Variants in PLEKHG1 observed in about 807,000 individuals in gnomAD.
The protein encoded by PLEKHG1 is pleckstrin homology and RhoGEF domain containing G1, also known as pleckstrin homology domain-containing family G member 1.
A neutral mutation model predicts 100.8 loss-of-function variants in PLEKHG1; 44 were observed. The ratio of observed to expected loss-of-function variants is 0.44; its 90% CI spans 0.34 to 0.56. The LOEUF is 0.56. PLEKHG1 is among the 20% of genes least tolerant of loss of function. The pLI is 0.01. For missense variants in PLEKHG1, 1,545 were observed against 1,720.9 expected (o/e 0.90, Z 1.81); for synonymous variants, 640 against 662.5 (o/e 0.97, Z 0.52).
At chr6:150,609,643 CAGGGG>C (rs762134026) in intron 1 of PLEKHG1, among the ~76,000 whole-genome samples, 30 of 152,136 alleles carry the variant, frequency 2.0e-4, no homozygotes, top group Non-Finnish European at 3.5e-4. Flanking sequence ...GGATTTGAAG[CAGGGG>C]AGTAACATAA....
Position 150,802,664 on chromosome 6 carries a change from A to ATTTTT in PLEKHG1, c.780+1806_780+1810dup, listed in dbSNP as rs71554484. 3.5e-5 allele frequency among the ~76,000 whole-genome samples: 5 copies of ATTTTT among 143,440 alleles called. 1 individual carries two copies. Among genetic ancestry groups the ATTTTT allele is most frequent in the South Asian group, 4.4e-4 (2 of 4,504 alleles). The allele number at this position is 143,440 out of a possible 152,430, so 94.1% of individuals were successfully genotyped here. ...GGGCTCCCTCTATGTCATTCACATC[A>ATTTTT]TTTTTTTTTTTTTTTGAGATGGAGT... On this transcript the variant is annotated intron_variant, in intron 6 of 15. Transcript: ENST00000358517.
At chr6:150,665,438 G>C (rs1203205337) in intron 3 of PLEKHG1, among the ~76,000 whole-genome samples, 2 of 152,088 alleles carry the variant, frequency 1.3e-5, no homozygotes, top group African/African-American at 4.8e-5. Flanking sequence ...AGACCAGCCT[G>C]GCTAACACGG....
rs542476404 is a variant in PLEKHG1 at position 150,621,357 on chromosome 6, C to A, written c.-203-16723C>A. ...CCTATTAGTTTTACCACCTCAGGGG[C>A]TTTTGTGGCACAAATCAATTTTTTT... On this transcript the variant is annotated intron_variant, in intron 1 of 3. Coordinates refer to the PLEKHG1 transcript ENST00000367326. Among the ~76,000 whole-genome samples the A allele has an allele frequency of 2.9e-4, 43 of 150,650 alleles. 1 individual carries two copies. Among genetic ancestry groups the A allele is most frequent in the Middle Eastern group, 3.5e-3 (1 of 284 alleles).
chr6:150,706,134 G>C (rs937638575), intron 3 of PLEKHG1, among the ~76,000 whole-genome samples: 1 of 152,170 alleles, frequency 6.6e-6, no homozygotes, highest in Non-Finnish European at 1.5e-5. Context: ...GATGTGATAC[G>C]TAAATGTTGG....
At chr6:150,671,378 C>T (rs1779575621) in intron 3 of PLEKHG1, among the ~76,000 whole-genome samples, 1 of 152,152 alleles carries the variant, frequency 6.6e-6, no homozygotes, top group Admixed American at 6.6e-5. Flanking sequence ...GTTCCCTGTT[C>T]ACTGCATCCA....
At chr6:150,781,401 A>T (rs1457072937) in intron 3 of PLEKHG1, among the ~76,000 whole-genome samples, 2 of 151,600 alleles carry the variant, frequency 1.3e-5, no homozygotes, top group Non-Finnish European at 1.5e-5. Context: ...GCTACTGGGG[A>T]GGCTGAGGCA....
At chr6:150,650,235 AG>A (rs1271878856) in intron 2 of PLEKHG1, among the ~76,000 whole-genome samples, 2 of 152,148 alleles carry the variant, frequency 1.3e-5, no homozygotes, top group Middle Eastern at 3.2e-3. Context: ...CAATTGTTGG[AG>A]GACTTGTGTT....
chr6:150,720,975 T>C (rs1236807392), upstream of PLEKHG1: 4 of 156,742 alleles, frequency 2.6e-5, no homozygotes, highest in East Asian at 1.9e-4. Context: ...CTCTTAGTGA[T>C]GCTGAAGTCT....
chr6:150,818,222 T>C lies in PLEKHG1; in HGVS notation c.1312+6T>C. The C allele has an allele frequency of 1.3e-6, 2 of 1,584,582 alleles. No homozygotes were observed. Among genetic ancestry groups the C allele is most frequent in the Non-Finnish European group, 1.7e-6 (2 of 1,153,656 alleles). On this transcript the variant is annotated splice_donor_region_variant and intron_variant, in intron 11 of 15. Coordinates refer to ENST00000358517, the Ensembl canonical transcript of PLEKHG1. Reference sequence around the variant, plus strand: ...CCTTGAAATGGATGCCATTCGTAAGTTTTATTTCCTTAAAACAATTTGAAA... The same window carrying C: ...CCTTGAAATGGATGCCATTCGTAAGCTTTATTTCCTTAAAACAATTTGAAA...
intron 3 of PLEKHG1, among the ~76,000 whole-genome samples, chr6:150,692,696 C>G (rs999870922): frequency 8.5e-5 from 13 of 152,250 alleles, no homozygotes; most frequent in Non-Finnish European, 1.6e-4. Context: ...TTGAATGGAG[C>G]CTTCCAAACC....
Position 150,800,847 on chromosome 6 carries a change from TC to T in PLEKHG1, c.759del (p.Lys254SerfsTer9). 1 of 1,614,038 alleles carries T rather than the reference TC, an allele frequency of 6.2e-7. No individual in the cohort carries two copies. The highest frequency in any genetic ancestry group is 8.5e-7 in the Non-Finnish European group (1 of 1,179,934). On this transcript the variant is annotated frameshift_variant, in exon 6 of 16. Transcript: ENST00000358517. LOFTEE classifies it high-confidence loss of function. Reference sequence around the variant, plus strand: ...CTCTTGAAACCAGTTCAGCGGATTCTCAAGTATCATCTCCTTCTGCATGTAA... The same window carrying T: ...CTCTTGAAACCAGTTCAGCGGATTCTAAGTATCATCTCCTTCTGCATGTAA...
intron 3 of PLEKHG1, among the ~76,000 whole-genome samples, chr6:150,712,924 G>T (rs1004536874): frequency 4.6e-5 from 7 of 152,368 alleles, no homozygotes; most frequent in Non-Finnish European, 1.0e-4. Flanking sequence ...AGGGGAAAGA[G>T]AATTTAGGAA....
chr6:150,781,209 A>G (rs546720826), intron 3 of PLEKHG1, among the ~76,000 whole-genome samples: 97 of 150,518 alleles, frequency 6.4e-4, no homozygotes, highest in African/African-American at 2.4e-3. Context: ...TCACATTGAA[A>G]ATCAGTCAGA....
intron 3 of PLEKHG1, among the ~76,000 whole-genome samples, chr6:150,769,057 C>G (rs1044157942): frequency 1.3e-5 from 2 of 152,094 alleles, no homozygotes; most frequent in Admixed American, 1.3e-4. Context: ...CTCCAGGATC[C>G]CCAGCTACAC....
At position 150,666,480 on chromosome 6, in the gene PLEKHG1, A is replaced by G. The variant is rs149765579; in HGVS notation, c.-99+15694A>G. 8.8e-3 allele frequency among the ~76,000 whole-genome samples: 1,342 copies of G among 152,298 alleles called. 21 individuals carry two copies. Among genetic ancestry groups the G allele is most frequent in the African/African-American group, 0.03 (1,260 of 41,558 alleles). On this transcript the variant is annotated intron_variant, in intron 3 of 3. Coordinates refer to the PLEKHG1 transcript ENST00000367326. ...CATTGCTAACTTGCGTCTGTTTGCCAGCTTGCTCCATCTTCTCTGCTTGGG... is the reference window on the plus strand; with the variant it reads ...CATTGCTAACTTGCGTCTGTTTGCCGGCTTGCTCCATCTTCTCTGCTTGGG...
intron 14 of PLEKHG1, 67 bp downstream of exon 15, chr6:150,823,743 C>T: frequency 2.7e-6 from 3 of 1,111,796 alleles, no homozygotes; most frequent in South Asian, 1.3e-5. Flanking sequence ...TGTCCCTTCC[C>T]CATCTCTGTC....
At chr6:150,712,010 A>G (rs1781257671) in intron 3 of PLEKHG1, among the ~76,000 whole-genome samples, 1 of 152,204 alleles carries the variant, frequency 6.6e-6, no homozygotes, top group African/African-American at 2.4e-5. Flanking sequence ...TTAGTGTGAC[A>G]TTGCATCAGC....
At chr6:150,725,310 C>A (rs1781907556) in intron 1 of PLEKHG1, among the ~76,000 whole-genome samples, 1 of 152,148 alleles carries the variant, frequency 6.6e-6, no homozygotes, top group South Asian at 2.1e-4. Context: ...AATACCATCA[C>A]CTTGGTGAGT....
chr6:150,772,530 G>A (rs1011203356), intron 3 of PLEKHG1, among the ~76,000 whole-genome samples: 12 of 152,092 alleles, frequency 7.9e-5, no homozygotes, highest in African/African-American at 2.7e-4. Flanking sequence ...GAGACAGGAG[G>A]ATCGCTTGAG....
Sources: allele counts gnomAD v4.1 joint callset (sites outside exome capture counted in the v4.1 genomes callset), GRCh38; gene constraint gnomAD v4.1.1; transcripts MANE v1.5; gene names NCBI Gene and HGNC (gene_info 2026-07-23, HGNC 2026-07-21).